Variants in CCZ1B observed in about 807,000 individuals in gnomAD.
CCZ1B encodes the protein vacuolar fusion protein CCZ1 homolog B.
CCZ1B carries 25 observed loss-of-function variants against 58.8 expected under a neutral mutation model. The observed-to-expected ratio is 0.43, with a 90% CI of 0.31 to 0.59. CCZ1B has a LOEUF of 0.59. CCZ1B is among the 20% of genes least tolerant of loss of function. The pLI, the probability that CCZ1B is intolerant of heterozygous loss-of-function variation, is 0.12. For missense variants in CCZ1B, 180 were observed against 501.5 expected, an observed-to-expected ratio of 0.36 and a Z score of 6.12; for synonymous variants, 66 against 173.2, an observed-to-expected ratio of 0.38 and a Z score of 4.86.
chr7:6,810,581 T>C (rs1782903589), intron 10 of CCZ1B, among the ~76,000 whole-genome samples: 1 of 148,002 alleles, frequency 6.8e-6, no homozygotes, highest in South Asian at 2.1e-4. Flanking sequence ...GCCTCCTGAG[T>C]AGCTGGGACT....
Position 6,824,716 on chromosome 7 carries a change from A to G in CCZ1B, c.142T>C (p.Tyr48His). ...EGQEENKILF[Y>H]HPNEVEKNEK... Reference sequence around the variant, plus strand: ...TTCTTTTCTACCTCATTTGGATGATAAAATAAAATCTTATTTTCCTCCTGA... The same window carrying G: ...TTCTTTTCTACCTCATTTGGATGATGAAATAAAATCTTATTTTCCTCCTGA... Residue 48 changes from tyrosine to histidine, a missense_variant, in exon 2 of 15, where the codon TAT becomes CAT. Transcript: ENST00000316731. The G allele has an allele frequency of 6.2e-7, 1 of 1,600,028 alleles. No homozygotes were observed. The highest frequency in any genetic ancestry group is 1.1e-5 in the South Asian group (1 of 88,020).
At chr7:6,813,394 T>G (rs1172877373) in intron 8 of CCZ1B, among the ~76,000 whole-genome samples, 2 of 149,246 alleles carry the variant, frequency 1.3e-5, no homozygotes, top group African/African-American at 5.1e-5. Context: ...GAGAACAGCC[T>G]GGGCAACATG....
chr7:6,820,229 AGTGCAGTG>A (rs1394301505), intron 6 of CCZ1B, among the ~76,000 whole-genome samples: 1 of 149,274 alleles, frequency 6.7e-6, no homozygotes, highest in Admixed American at 6.7e-5. Context: ...TCCAGGCTGG[AGTGCAGTG>A]GTGCGATCTC....
At chr7:6,821,797 C>T (rs112571910) in intron 6 of CCZ1B, among the ~76,000 whole-genome samples, 1 of 150,662 alleles carries the variant, frequency 6.6e-6, no homozygotes, top group African/African-American at 2.5e-5. Flanking sequence ...CGAAAGAGGA[C>T]AGCACTTGGA....
At chr7:6,824,877 G>A in intron 1 of CCZ1B, 140 bp from the exon 2 acceptor site, 1 of 1,132,854 alleles carries the variant, frequency 8.8e-7, no homozygotes, top group Non-Finnish European at 1.2e-6. Context: ...AGAAAAACAG[G>A]AATTGTAATC....
chr7:6,810,039 T>C (rs1032089378), intron 10 of CCZ1B, among the ~76,000 whole-genome samples: 2 of 150,626 alleles, frequency 1.3e-5, no homozygotes, highest in African/African-American at 2.5e-5. Context: ...TGAGACAGAG[T>C]CTTGCTCTGT....
intron 14 of CCZ1B, among the ~76,000 whole-genome samples, chr7:6,800,417 T>C (rs1422445666): frequency 3.6e-4 from 51 of 143,112 alleles, no homozygotes; most frequent in Non-Finnish European, 4.5e-4. Context: ...TCCCAGCTCT[T>C]TGGGAGGCCA....
chr7:6,817,132 C>T (rs534876394), intron 7 of CCZ1B, among the ~76,000 whole-genome samples: 1 of 152,406 alleles, frequency 6.6e-6, no homozygotes, highest in Non-Finnish European at 1.5e-5. Context: ...CCCACGAGCA[C>T]ACTGGAGGTG....
At chr7:6,817,680 G>A (rs1783028048) in intron 7 of CCZ1B, among the ~76,000 whole-genome samples, 1 of 149,954 alleles carries the variant, frequency 6.7e-6, no homozygotes, top group South Asian at 2.1e-4. Flanking sequence ...AGCTGAGTCA[G>A]TACAGCGTAA....
At chr7:6,804,097 A>G (rs1439860656) in intron 12 of CCZ1B, among the ~76,000 whole-genome samples, 1 of 151,090 alleles carries the variant, frequency 6.6e-6, no homozygotes, top group Non-Finnish European at 1.5e-5. Context: ...CCATCGCCTC[A>G]CTTTCACTTT....
In CCZ1B at chr7:6,817,691, G is replaced by A. The variant is rs190238803; in HGVS notation, c.698+2075C>T. Among the ~76,000 whole-genome samples the A allele has an allele frequency of 2.7e-3, 400 of 149,934 alleles. 1 individual carries two copies. The highest frequency in any genetic ancestry group is 1.2e-3 in the Non-Finnish European group (80 of 67,708). On this transcript the variant is annotated intron_variant, in intron 7 of 14. Coordinates refer to ENST00000316731, the MANE Select transcript of CCZ1B (RefSeq NM_198097.5). ...CTATAGCTGAGTCAGTACAGCGTAA[G>A]GTTGCCTGATAAACTATTTGTCAAA... is the stretch of plus-strand genomic sequence containing the variant.
At chr7:6,802,150 T>C (rs1782777972) in intron 12 of CCZ1B, among the ~76,000 whole-genome samples, 1 of 98,946 alleles carries the variant, frequency 1.0e-5, no homozygotes, top group Non-Finnish European at 2.0e-5. Flanking sequence ...TACGACACTA[T>C]GTAACGAAGC....
At chr7:6,812,607 C>T (rs1782934330) in intron 9 of CCZ1B, 1 of 349,884 alleles carries the variant, frequency 2.9e-6, no homozygotes, top group African/African-American at 2.2e-5. Context: ...AAAGATATTT[C>T]AATGTCCATA....
At chr7:6,818,927 C>T (rs913414923) in intron 7 of CCZ1B, among the ~76,000 whole-genome samples, 10 of 147,922 alleles carry the variant, frequency 6.8e-5, no homozygotes, top group East Asian at 1.9e-4. Flanking sequence ...CCTAGTTTCA[C>T]GATAGCAGGT....
In CCZ1B at chr7:6,819,802, T is replaced by C. The variant is rs561516697; in HGVS notation, c.662A>G (p.Lys221Arg). 2.2e-4 allele frequency: 344 copies of C among 1,556,772 alleles called. 12 individuals carry two copies. In the South Asian group the frequency reaches 2.6e-3, roughly 12 times the overall value. The part of the protein sequence containing the change: ...NRMEESLNIV[K>R]YTAFLYNDQL... ...ATCGTTATAGAGAAAAGCAGTGTAT[T>C]TGACTATATTCAGGCTTTCCTCCAT... Residue 221 changes from lysine (K) to arginine (R), a missense_variant, in exon 7 of 15, where the codon AAA becomes AGA. Transcript: ENST00000316731.
chr7:6,815,119 G>T (rs74296214), intron 7 of CCZ1B, among the ~76,000 whole-genome samples: 18,021 of 138,426 alleles, frequency 0.13, 1,118 homozygotes, highest in Middle Eastern at 0.24. Flanking sequence ...CTTTTCCAAA[G>T]AATTTGAAGC....
chr7:6,823,381 C>T, intron 4 of CCZ1B, 21 bp from the exon 5 acceptor site: 1 of 1,607,360 alleles, frequency 6.2e-7, no homozygotes, highest in Non-Finnish European at 8.5e-7. Flanking sequence ...GAAAACACAG[C>T]ACACAGCTCA....
intron 7 of CCZ1B, 30 bp from the exon 8 acceptor site, chr7:6,814,875 C>T (rs138393587): frequency 0.071 from 106,347 of 1,502,916 alleles, 7,747 homozygotes; most frequent in Middle Eastern, 0.096. Flanking sequence ...CTGGGTTAAA[C>T]GTTTCGAACT....
At chr7:6,818,530 A>G (rs1783045412) in intron 7 of CCZ1B, among the ~76,000 whole-genome samples, 1 of 148,676 alleles carries the variant, frequency 6.7e-6, no homozygotes, top group Admixed American at 6.7e-5. Flanking sequence ...GCCTGGCAAC[A>G]GAGTGAGACT....
Sources: gnomAD v4.1 joint callset for allele counts (sites outside exome capture counted in the v4.1 genomes callset) on GRCh38, gnomAD v4.1.1 for gene constraint, MANE v1.5 for transcripts, NCBI Gene and HGNC (gene_info 2026-07-23, HGNC 2026-07-21) for gene names.